TMEM50A: variants seen among roughly 807,000 people sequenced by gnomAD.
TMEM50A encodes the protein cervical cancer oncogene 9.
Under a neutral mutation model 23.9 loss-of-function variants are expected in TMEM50A, and 8 were observed. That is an observed-to-expected ratio of 0.33 (90% CI 0.20 to 0.60). The LOEUF (loss-of-function observed/expected upper bound fraction) is 0.60. Among genes scored for constraint, TMEM50A ranks in the 20% least tolerant of loss-of-function variants. The probability of loss-of-function intolerance (pLI) is 0.81; values close to 1 mark genes in which losing one functional copy is unlikely to be tolerated. For synonymous variants in TMEM50A, 55 were observed against 60.4 expected (o/e 0.91, Z 0.41); for missense variants, 178 against 192.7 (o/e 0.92, Z 0.45).
chr1:25,351,838 C>A, intron 4 of TMEM50A, 145 bp downstream of exon 4: 2 of 713,308 alleles, frequency 2.8e-6, no homozygotes, highest in Non-Finnish European at 4.4e-6. Context: ...ATGTTTTGGG[C>A]TTGAAATTGG....
intron 3 of TMEM50A, among the ~76,000 whole-genome samples, chr1:25,345,269 A>G (rs1645202731): frequency 6.6e-6 from 1 of 151,506 alleles, no homozygotes; most frequent in East Asian, 1.9e-4. Flanking sequence ...ACGTGGTGAA[A>G]CCCCATCTCT....
intron 3 of TMEM50A, among the ~76,000 whole-genome samples, chr1:25,345,830 C>T (rs912368425): frequency 3.5e-4 from 53 of 151,742 alleles, no homozygotes; most frequent in Non-Finnish European, 5.3e-4. Context: ...CTCTGTCGCC[C>T]AGGCTGGAGT....
chr1:25,356,717 AC>A, intron 5 of TMEM50A, 75 bp from the exon 6 acceptor site: 3 of 1,082,458 alleles, frequency 2.8e-6, no homozygotes, highest in Non-Finnish European at 4.1e-6. Flanking sequence ...AGGCAGGAAA[AC>A]TGGTATTTGC....
chr1:25,360,050 A>G (rs574101996), intron 6 of TMEM50A, among the ~76,000 whole-genome samples: 1 of 152,242 alleles, frequency 6.6e-6, no homozygotes, highest in South Asian at 2.1e-4. Flanking sequence ...AATGAATTTG[A>G]TAAAATCAGA....
At chr1:25,342,586 G>C (rs1432623421) in intron 2 of TMEM50A, 1 of 153,894 alleles carries the variant, frequency 6.5e-6, no homozygotes, top group Admixed American at 6.5e-5. Flanking sequence ...CTTGATTTTG[G>C]GGAATATTTC....
intron 5 of TMEM50A, among the ~76,000 whole-genome samples, chr1:25,354,368 T>C (rs1256513580): frequency 1.3e-5 from 2 of 152,172 alleles, no homozygotes; most frequent in Non-Finnish European, 1.5e-5. Flanking sequence ...ATCCCAGCAC[T>C]TCAGGAGGCC....
intron 2 of TMEM50A, 36 bp downstream of exon 2, chr1:25,340,615 G>T (rs770480955): frequency 1.9e-6 from 3 of 1,542,650 alleles, no homozygotes; most frequent in South Asian, 1.2e-5. Flanking sequence ...TTATTTTTTG[G>T]TGCGTTTGTG....
At position 25,360,679 on chromosome 1, in the gene TMEM50A, G is replaced by C; in HGVS notation, c.448G>C (p.Gly150Arg). The change falls in exon 7 of 7, where the codon GGC becomes CGC. Residue 150 changes from glycine to arginine, a missense_variant. Gly to Arg is a moderately radical substitution (Grantham distance 125, BLOSUM62 -2). Transcript: ENST00000374358. ...IFFGGLVFKF[G>R]RTEDLWQ ...TCACAGAGGGCTGGTTTTTAAGTTTGGCCGCACTGAAGACTTATGGCAGTG... is the reference window on the plus strand; with the variant it reads ...TCACAGAGGGCTGGTTTTTAAGTTTCGCCGCACTGAAGACTTATGGCAGTG... The C allele has an allele frequency of 6.2e-7, 1 of 1,614,054 alleles. No individual in the cohort carries two copies. Among genetic ancestry groups the C allele is most frequent in the Non-Finnish European group, 8.5e-7 (1 of 1,179,998 alleles).
intron 3 of TMEM50A, among the ~76,000 whole-genome samples, chr1:25,349,891 C>T (rs1645259104): frequency 6.6e-6 from 1 of 152,222 alleles, no homozygotes; most frequent in African/African-American, 2.4e-5. Context: ...ACACACACAA[C>T]TAAATGGGTA....
At chr1:25,341,746 G>A (rs1645171012) in intron 2 of TMEM50A, among the ~76,000 whole-genome samples, 1 of 152,152 alleles carries the variant, frequency 6.6e-6, no homozygotes, top group Admixed American at 6.5e-5. Context: ...CCAGGCTGGA[G>A]TACAGTGGTG....
At chr1:25,353,296 T>C (rs1645299775) in intron 5 of TMEM50A, among the ~76,000 whole-genome samples, 1 of 152,180 alleles carries the variant, frequency 6.6e-6, no homozygotes, top group South Asian at 2.1e-4. Flanking sequence ...CTTTGTTTCT[T>C]TTTTAGAGAC....
intron 3 of TMEM50A, among the ~76,000 whole-genome samples, chr1:25,345,608 C>T (rs924389974): frequency 6.8e-6 from 1 of 146,414 alleles, no homozygotes; most frequent in Middle Eastern, 3.4e-3. Flanking sequence ...TAGCCAGGCA[C>T]GGTGTTGCGT....
rs1645267517 is a variant in TMEM50A at position 25,350,809 on chromosome 1, G to A, written c.207-817G>A. Among the ~76,000 whole-genome samples, 5 of 152,298 alleles carry A rather than the reference G, an allele frequency of 3.3e-5. No homozygotes were observed. The South Asian group carries it at 1.0e-3, about 32-fold the overall frequency. ...GGGTTAGGGCCAAGAGAATTTTCTT[G>A]TCAAATAGGTTGCCAAGTAATGCTG... On this transcript the variant is annotated intron_variant, in intron 3 of 6. Coordinates refer to ENST00000374358, the MANE Select transcript of TMEM50A (RefSeq NM_014313.4).
chr1:25,340,256 A>T (rs75558785), intron 1 of TMEM50A, among the ~76,000 whole-genome samples: 1,679 of 152,252 alleles, frequency 0.011, 19 homozygotes, highest in Middle Eastern at 0.027. Flanking sequence ...TTTTTACATT[A>T]AAAAAGATAC....
At chr1:25,354,868 T>C (rs1645317366) in intron 5 of TMEM50A, among the ~76,000 whole-genome samples, 1 of 150,994 alleles carries the variant, frequency 6.6e-6, no homozygotes, top group African/African-American at 2.4e-5. Context: ...GTCTCCCAGG[T>C]TCAAGCAATT....
intron 1 of TMEM50A, among the ~76,000 whole-genome samples, chr1:25,339,569 G>A (rs182179990): frequency 2.0e-3 from 310 of 152,280 alleles, no homozygotes; most frequent in African/African-American, 5.5e-3. Context: ...TCTTGATTTA[G>A]GTGTGAAGAA....
intron 5 of TMEM50A, among the ~76,000 whole-genome samples, chr1:25,354,617 AAG>A (rs1224780316): frequency 3.3e-5 from 5 of 152,264 alleles, no homozygotes; most frequent in African/African-American, 9.6e-5. Flanking sequence ...GTCTCAAAAA[AAG>A]AGAAAAGAAA....
chr1:25,340,129 G>T (rs1474977890), intron 1 of TMEM50A, among the ~76,000 whole-genome samples: 1 of 151,986 alleles, frequency 6.6e-6, no homozygotes, highest in Non-Finnish European at 1.5e-5. Context: ...TAGAGATGGG[G>T]TTTGCCATGT....
chr1:25,343,563 A>G (rs1645186266), intron 3 of TMEM50A, among the ~76,000 whole-genome samples: 1 of 152,052 alleles, frequency 6.6e-6, no homozygotes, highest in Non-Finnish European at 1.5e-5. Flanking sequence ...ATAGAAATTA[A>G]AAAATTTTTT....
Sources: allele counts gnomAD v4.1 joint callset (sites outside exome capture counted in the v4.1 genomes callset), GRCh38; gene constraint gnomAD v4.1.1; transcripts MANE v1.5; gene names NCBI Gene and HGNC (gene_info 2026-07-23, HGNC 2026-07-21).